The following NCAPG2 variants were observed in gnomAD, a reference collection of about 807,000 sequenced individuals.
NCAPG2 encodes condensin-2 complex subunit G2.
In NCAPG2, 53 loss-of-function variants were observed where a neutral mutation model predicts 141.1. The ratio of observed to expected loss-of-function variants is 0.38; its 90% CI spans 0.30 to 0.47. The LOEUF (loss-of-function observed/expected upper bound fraction) is 0.47, where lower values mean the gene tolerates loss of function less well. Ranked by LOEUF, NCAPG2 falls within the 20% of genes least tolerant of loss-of-function variation. NCAPG2 has a pLI of 0.99. For missense variants in NCAPG2, 1,087 were observed against 1,389.0 expected (o/e 0.78, Z 3.46); for synonymous variants, 499 against 490.7 (o/e 1.02, Z -0.22).
In NCAPG2 at chr7:158,656,319, A is replaced by C. The variant is rs1831970548; in HGVS notation, c.2329T>G (p.Leu777Val). Residue 777 changes from leucine (L) to valine (V), a missense_variant, in exon 19 of 28, where the codon TTG becomes GTG. Coordinates refer to ENST00000356309, the MANE Select transcript of NCAPG2 (RefSeq NM_017760.7). ...LLTHPKNREC[L>V]LSAPRKKLNH... is the part of the protein sequence containing the mutation. ...AGTTTCTTCCGAGGAGCAGAGAGCAAGCACTCGCGGTTCTTTGGATGAGTC... is the reference window on the plus strand; with the variant it reads ...AGTTTCTTCCGAGGAGCAGAGAGCACGCACTCGCGGTTCTTTGGATGAGTC... 6.2e-7 allele frequency: 1 copy of C among 1,614,096 alleles called. No individual in the cohort carries two copies. Among genetic ancestry groups the C allele is most frequent in the African/African-American group, 1.3e-5 (1 of 74,928 alleles).
Position 158,701,314 on chromosome 7 carries a change from A to T in NCAPG2, c.78+508T>A, listed in dbSNP as rs376816611. ...CATATTTCTCACTTGTAGTCAGAGG[A>T]ATATTTCCAAAAGGCAAACCATATT... On this transcript the variant is annotated intron_variant, in intron 2 of 27. Coordinates refer to ENST00000356309, the MANE Select transcript of NCAPG2 (RefSeq NM_017760.7). Among the ~76,000 whole-genome samples, 6 of 152,190 alleles carry T rather than the reference A, an allele frequency of 3.9e-5. No individual in the cohort carries two copies. In the East Asian group the frequency reaches 1.2e-3, roughly 29 times the overall value.
chr7:158,664,022 T>C (rs1005221631), intron 15 of NCAPG2, among the ~76,000 whole-genome samples, 162 bp downstream of exon 15: 3 of 152,226 alleles, frequency 2.0e-5, no homozygotes, highest in African/African-American at 7.2e-5. Flanking sequence ...AAAGGACATA[T>C]AGCAATTCTT....
intron 23 of NCAPG2, among the ~76,000 whole-genome samples, 188 bp from the exon 24 acceptor site, chr7:158,651,160 C>T (rs184919213): frequency 1.6e-4 from 24 of 152,254 alleles, no homozygotes; most frequent in African/African-American, 5.1e-4. Flanking sequence ...CTATGCACCA[C>T]GGCCAGAAGA....
chr7:158,668,505 G>T, intron 13 of NCAPG2: 1 of 838,988 alleles, frequency 1.2e-6, no homozygotes, highest in Non-Finnish European at 1.4e-6. Flanking sequence ...GAAATACAAA[G>T]AAAACAATAT....
At chr7:158,672,292 GTATATA>G (rs1563549335) in intron 12 of NCAPG2, among the ~76,000 whole-genome samples, 49 of 27,202 alleles carry the variant, frequency 1.8e-3, no homozygotes, top group East Asian at 7.7e-3. Flanking sequence ...GTGTGTGTGT[GTATATA>G]TATATATATA....
chr7:158,699,478 T>C (rs775943643), intron 2 of NCAPG2, among the ~76,000 whole-genome samples: 2 of 152,236 alleles, frequency 1.3e-5, no homozygotes, highest in Non-Finnish European at 2.9e-5. Context: ...ACCCACTGAC[T>C]GGAGCCACCA....
intron 3 of NCAPG2, 29 bp from the exon 4 acceptor site, chr7:158,692,985 AATTAAAATC>A: frequency 7.4e-7 from 1 of 1,354,900 alleles, no homozygotes; most frequent in Non-Finnish European, 1.0e-6. Context: ...AGCATGAGTG[AATTAAAATC>A]ATCAACTTAA....
chr7:158,690,746 C>T, intron 4 of NCAPG2, 24 bp from the exon 5 acceptor site: 1 of 1,602,910 alleles, frequency 6.2e-7, no homozygotes, highest in African/African-American at 1.3e-5. Context: ...CAGTAATTTT[C>T]CAATTAGTAA....
Position 158,687,344 on chromosome 7 carries a change from T to C in NCAPG2, c.767+4A>G, listed in dbSNP as rs1346705981. ...ACAAAATCTTCAGTACTTTTAACAC[T>C]TACTTTTGTAATCCCTGTAACTGGT... is the stretch of plus-strand genomic sequence containing the variant. On this transcript the variant is annotated splice_donor_region_variant and intron_variant, in intron 7 of 27. Transcript: ENST00000356309. 22 of 1,596,262 alleles carry C rather than the reference T, an allele frequency of 1.4e-5. No individual in the cohort carries two copies. In the East Asian group the frequency reaches 4.7e-4, roughly 34 times the overall value.
At chr7:158,653,680 T>C (rs1001283090) in intron 22 of NCAPG2, among the ~76,000 whole-genome samples, 6 of 152,300 alleles carry the variant, frequency 3.9e-5, no homozygotes, top group East Asian at 3.9e-4. Context: ...CCACTAGAAA[T>C]TGGACAACCA....
At chr7:158,647,012 G>A (rs1336167461) in intron 24 of NCAPG2, among the ~76,000 whole-genome samples, 10 of 149,298 alleles carry the variant, frequency 6.7e-5, no homozygotes, top group South Asian at 2.1e-4. Context: ...GTGACAGAGC[G>A]ACATCCTGTC....
chr7:158,678,304 G>A (rs1017868075), intron 11 of NCAPG2, among the ~76,000 whole-genome samples: 1 of 152,110 alleles, frequency 6.6e-6, no homozygotes, highest in Non-Finnish European at 1.5e-5. Flanking sequence ...AGCCTCAAGA[G>A]GTGCAGCACC....
chr7:158,669,625 C>T (rs183212644), intron 13 of NCAPG2, among the ~76,000 whole-genome samples: 19 of 151,620 alleles, frequency 1.3e-4, no homozygotes, highest in African/African-American at 1.9e-4. Context: ...AAAAATTCGC[C>T]GGGCATGGTG....
Position 158,646,494 on chromosome 7 carries a change from T to C in NCAPG2, c.3145A>G (p.Ile1049Val), listed in dbSNP as rs1831029187. Residue 1049 changes from isoleucine (I) to valine (V), a missense_variant, in exon 25 of 28, where the codon ATA (isoleucine) becomes GTA (valine). Physicochemically the swap from Ile to Val is conservative, Grantham distance 29. Transcript: ENST00000356309. ...SDLPPFSRCL[I>V]GIIIKSSNVV... Reference sequence around the variant, plus strand: ...TTCGAAGACTTTATTATTATTCCTATTAAACACCTTGAAAATGGTGGAAGA... The same window carrying C: ...TTCGAAGACTTTATTATTATTCCTACTAAACACCTTGAAAATGGTGGAAGA... 4 of 1,596,086 alleles carry C rather than the reference T, an allele frequency of 2.5e-6. No individual in the cohort carries two copies. The highest frequency in any genetic ancestry group is 1.4e-5 in the African/African-American group (1 of 73,302).
intron 22 of NCAPG2, 83 bp from the exon 23 acceptor site, chr7:158,652,563 A>T: frequency 4.6e-6 from 5 of 1,094,498 alleles, no homozygotes; most frequent in Non-Finnish European, 6.4e-6. Flanking sequence ...TAACACATGT[A>T]TAAAATGGTA....
chr7:158,691,837 C>T (rs1835134609), intron 4 of NCAPG2, among the ~76,000 whole-genome samples: 1 of 152,188 alleles, frequency 6.6e-6, no homozygotes, highest in Non-Finnish European at 1.5e-5. Flanking sequence ...GTCACAAATT[C>T]TTAGTTAAGT....
chr7:158,645,732 C>T (rs1462044960), intron 25 of NCAPG2, 113 bp from the exon 26 acceptor site: 12 of 899,052 alleles, frequency 1.3e-5, no homozygotes, highest in Non-Finnish European at 2.1e-5. Context: ...TTGCAGGGGA[C>T]GTGGGAAGGT....
At chr7:158,659,899 C>A (rs941832857) in intron 16 of NCAPG2, among the ~76,000 whole-genome samples, 3 of 152,036 alleles carry the variant, frequency 2.0e-5, no homozygotes, top group African/African-American at 7.2e-5. Flanking sequence ...ATCATGAGGT[C>A]AGGAGATCGA....
Position 158,689,946 on chromosome 7 carries a change from T to C in NCAPG2, c.545A>G (p.Asp182Gly), listed in dbSNP as rs61752311. The change falls in exon 6 of 28, where the codon GAC becomes GGC. Residue 182 changes from aspartate to glycine, a missense_variant. Coordinates refer to ENST00000356309, the MANE Select transcript of NCAPG2 (RefSeq NM_017760.7). The stretch of plus-strand genomic sequence containing the variant: ...ATGGATACGCCAAAGCCGACATACG[T>C]CTGCACCCTAGGAATGACACAAAAA... ...RRSLETKTGA[D>G]VCRLWRIHQA... is the part of the protein sequence containing the mutation. 1.8e-3 allele frequency: 2,837 copies of C among 1,559,960 alleles called. 3 individuals are homozygous for C. Among genetic ancestry groups the C allele is most frequent in the Non-Finnish European group, 2.2e-3 (2,514 of 1,158,886 alleles).
Sources: allele counts gnomAD v4.1 joint callset (sites outside exome capture counted in the v4.1 genomes callset), GRCh38; gene constraint gnomAD v4.1.1; transcripts MANE v1.5; gene names NCBI Gene and HGNC (gene_info 2026-07-23, HGNC 2026-07-21).